TMEM245: variants seen among roughly 807,000 people sequenced by gnomAD.
TMEM245 encodes protein CG-2.
In TMEM245, 69 loss-of-function variants were observed where a neutral mutation model predicts 101.2. That is an observed-to-expected ratio of 0.68 (90% confidence interval 0.56 to 0.83). The LOEUF (loss-of-function observed/expected upper bound fraction) is 0.83. Ranked by LOEUF, TMEM245 falls within the 40% of genes least tolerant of loss-of-function variation. TMEM245 has a pLI of 0.00. For missense variants in TMEM245, 1,075 were observed against 1,092.8 expected, an observed-to-expected ratio of 0.98 and a Z score of 0.23; for synonymous variants, 537 against 449.8, an observed-to-expected ratio of 1.19 and a Z score of -2.45.
chr9:109,043,974 C>T (rs867067662), intron 14 of TMEM245, among the ~76,000 whole-genome samples: 11 of 152,212 alleles, frequency 7.2e-5, no homozygotes, highest in Admixed American at 1.3e-4. Flanking sequence ...ATATTTATAC[C>T]GTATGGCACT....
chr9:109,106,675 C>A, intron 2 of TMEM245, 66 bp from the exon 3 acceptor site: 1 of 1,209,212 alleles, frequency 8.3e-7, no homozygotes. Flanking sequence ...TTACAAAACT[C>A]AGTTTTGTAG....
intron 3 of TMEM245, among the ~76,000 whole-genome samples, chr9:109,097,281 C>T (rs72760370): frequency 0.15 from 22,213 of 152,090 alleles, 1,842 homozygotes; most frequent in African/African-American, 0.2. Context: ...TATGAAGACA[C>T]AAAGGCAAGA....
intron 17 of TMEM245, among the ~76,000 whole-genome samples, chr9:109,025,397 G>T (rs549476034): frequency 6.6e-6 from 1 of 152,218 alleles, no homozygotes; most frequent in African/African-American, 2.4e-5. Flanking sequence ...TGTACTTTCG[G>T]TATTTAATTA....
intron 3 of TMEM245, among the ~76,000 whole-genome samples, chr9:109,102,028 A>C (rs188426893): frequency 1.3e-3 from 202 of 152,362 alleles, no homozygotes; most frequent in African/African-American, 4.7e-3. Context: ...CCATTCTGGC[A>C]TAAGAGGTAA....
chr9:109,049,383 TTTTTTA>T (rs1323679799), intron 14 of TMEM245, among the ~76,000 whole-genome samples: 1 of 152,124 alleles, frequency 6.6e-6, no homozygotes, highest in African/African-American at 2.4e-5. Context: ...CTGGCTAATC[TTTTTTA>T]TTTTTAGTAG....
chr9:109,059,836 C>T (rs1828955783), intron 11 of TMEM245, among the ~76,000 whole-genome samples: 1 of 151,984 alleles, frequency 6.6e-6, no homozygotes. Context: ...CTACTGAGCA[C>T]TTAAAATATG....
intron 12 of TMEM245, among the ~76,000 whole-genome samples, chr9:109,054,040 A>C (rs373266042): frequency 3.9e-5 from 6 of 152,154 alleles, no homozygotes; most frequent in African/African-American, 1.4e-4. Flanking sequence ...AAATACAACA[A>C]TAATTATTGG....
Position 109,119,592 on chromosome 9 carries a change from A to G in TMEM245, c.322T>C (p.Trp108Arg). The G allele has an allele frequency of 1.3e-6, 2 of 1,552,076 alleles. No individual in the cohort carries two copies. Among genetic ancestry groups the G allele is most frequent in the Non-Finnish European group, 1.7e-6 (2 of 1,152,878 alleles). The change falls in exon 1 of 18, where the codon TGG becomes CGG. Residue 108 changes from tryptophan to arginine, a missense_variant. Trp to Arg is a moderately radical substitution (Grantham distance 101, BLOSUM62 -3). Transcript: ENST00000374586. Reference sequence around the variant, plus strand: ...TGCGCGCGGTGCAGGCGCTGCAGCCAGTGGCGGCCCAGGCGCGTCAGCGAG... The same window carrying G: ...TGCGCGCGGTGCAGGCGCTGCAGCCGGTGGCGGCCCAGGCGCGTCAGCGAG... ...KSSLTRLGRHWLQRLHRAHTP... is the reference protein window; with the variant it reads ...KSSLTRLGRHRLQRLHRAHTP...
At chr9:109,033,927 CAAT>C (rs1407924360) in intron 16 of TMEM245, among the ~76,000 whole-genome samples, 2 of 152,202 alleles carry the variant, frequency 1.3e-5, no homozygotes, top group African/African-American at 4.8e-5. Context: ...ACGACAGCAA[CAAT>C]GAGAGCATCC....
chr9:109,052,702 G>C (rs1292833691), intron 12 of TMEM245, among the ~76,000 whole-genome samples: 1 of 152,016 alleles, frequency 6.6e-6, no homozygotes, highest in African/African-American at 2.4e-5. Context: ...GTGGGATAAA[G>C]AATAAATGAA....
intron 7 of TMEM245, among the ~76,000 whole-genome samples, chr9:109,084,440 G>C (rs942060728): frequency 1.3e-5 from 2 of 152,200 alleles, no homozygotes; most frequent in Non-Finnish European, 2.9e-5. Flanking sequence ...CGATGATTCA[G>C]TTATGAAGTA....
At chr9:109,044,762 GTT>G (rs5899833) in intron 14 of TMEM245, among the ~76,000 whole-genome samples, 16 of 136,018 alleles carry the variant, frequency 1.2e-4, no homozygotes, top group Middle Eastern at 3.8e-3. Context: ...TATCATTTTG[GTT>G]TTTTTTTTTT....
In TMEM245 at chr9:109,064,422, A is replaced by G. The variant is rs1435165763; in HGVS notation, c.1623+55T>C. 37 of 1,500,876 alleles carry G rather than the reference A, an allele frequency of 2.5e-5. No homozygotes were observed. The South Asian group carries it at 3.5e-4, about 14-fold the overall frequency. The allele number at this position is 1,500,876 out of a possible 1,614,324, so 93.0% of individuals were successfully genotyped here. ...TTATGTTTTATCAAAGCAACAAGCA[A>G]CCACCAGTAAAGACCCTGAAAAGAG... On this transcript the variant is annotated intron_variant, in intron 10 of 17. Transcript: ENST00000374586.
chr9:109,055,724 T>C (rs1828813591), intron 12 of TMEM245, among the ~76,000 whole-genome samples: 1 of 151,568 alleles, frequency 6.6e-6, no homozygotes, highest in Non-Finnish European at 1.5e-5. Context: ...ACCCTCCGCC[T>C]CCCAGATTCA....
chr9:109,093,701 G>A (rs1396445507), intron 3 of TMEM245, 110 bp from the exon 4 acceptor site: 3 of 858,962 alleles, frequency 3.5e-6, no homozygotes, highest in Admixed American at 2.1e-5. Context: ...GGTTACTACT[G>A]ACCCACTGAA....
intron 3 of TMEM245, among the ~76,000 whole-genome samples, chr9:109,096,447 G>C (rs1830143258): frequency 6.6e-6 from 1 of 152,140 alleles, no homozygotes; most frequent in Non-Finnish European, 1.5e-5. Context: ...ATTGAGCTGA[G>C]ATCATGCCAA....
chr9:109,051,295 AACACACACACACACACAC>A (rs67093439), intron 12 of TMEM245, among the ~76,000 whole-genome samples: 18 of 135,152 alleles, frequency 1.3e-4, no homozygotes, highest in African/African-American at 3.2e-4. Flanking sequence ...TCTGTCTCAA[AACACACACACACACACAC>A]ACACACACAC....
At position 109,119,721 on chromosome 9, in the gene TMEM245, G is replaced by T; in HGVS notation, c.193C>A (p.Leu65Met). The change falls in exon 1 of 18, where the codon CTG becomes ATG. Residue 65 changes from leucine to methionine, a missense_variant. Leu to Met is a conservative substitution (Grantham distance 15). Transcript: ENST00000374586. The part of the protein sequence containing the change: ...YNTGAVLFVC[L>M]CCGAAVLVYF... The stretch of plus-strand genomic sequence containing the variant: ...ACCAGCACCGCGGCGCCGCAGCACA[G>T]GCACACGAACAGCACGGCCCCGGTG... 6.5e-7 allele frequency: 1 copy of T among 1,548,202 alleles called. No homozygotes were observed. The highest frequency in any genetic ancestry group is 1.9e-5 in the Admixed American group (1 of 53,146).
chr9:109,060,228 T>C (rs3829083), intron 11 of TMEM245, 126 bp downstream of exon 11: 13,970 of 686,042 alleles, frequency 0.02, 595 homozygotes, highest in African/African-American at 0.12. Context: ...ACCTGAGGCT[T>C]AAGGTTTTGC....
Sources: allele counts gnomAD v4.1 joint callset (sites outside exome capture counted in the v4.1 genomes callset), GRCh38; gene constraint gnomAD v4.1.1; transcripts MANE v1.5; gene names NCBI Gene and HGNC (gene_info 2026-07-23, HGNC 2026-07-21).